Variants in GALNT13 observed in about 807,000 individuals in gnomAD.
GALNT13 encodes the protein UDP-GalNAc:polypeptide N-acetylgalactosaminyltransferase 13.
GALNT13 carries 28 observed loss-of-function variants against 64.2 expected under a neutral mutation model. The observed-to-expected ratio is 0.44, with a 90% CI of 0.32 to 0.60. The LOEUF is 0.60. Among genes scored for constraint, GALNT13 ranks in the 20% least tolerant of loss-of-function variants. The pLI, the probability that GALNT13 is intolerant of heterozygous loss-of-function variation, is 0.05. For synonymous variants in GALNT13, 214 were observed against 224.6 expected, an observed-to-expected ratio of 0.95 and a Z score of 0.42; for missense variants, 577 against 669.8, an observed-to-expected ratio of 0.86 and a Z score of 1.53.
intron 3 of GALNT13, among the ~76,000 whole-genome samples, chr2:153,969,291 T>C (rs1261132251): frequency 6.6e-6 from 1 of 152,036 alleles, no homozygotes; most frequent in African/African-American, 2.4e-5. Context: ...CTGAAGTTAA[T>C]AGTTTAAAAA....
In GALNT13 at chr2:154,009,550, G is replaced by T. The variant is rs151009589; in HGVS notation, c.142+64911G>T. On this transcript the variant is annotated intron_variant, in intron 3 of 12. Transcript: ENST00000392825. ...CTCACTCTGTTGCCCAAGTGCAGTG[G>T]CATGATCTCGGCTGACTGCAACCCC... is the stretch of plus-strand genomic sequence containing the variant. 2.9e-3 allele frequency among the ~76,000 whole-genome samples: 441 copies of T among 150,880 alleles called. 3 individuals are homozygous for T. The highest frequency in any genetic ancestry group is 0.01 in the African/African-American group (414 of 40,940).
At chr2:153,615,369 C>A in the GALNT13 span, among the ~76,000 whole-genome samples, 1 of 151,978 alleles carries the variant, frequency 6.6e-6, no homozygotes, top group Non-Finnish European at 1.5e-5. Flanking sequence ...ATATTGATTT[C>A]CTTTATTTTC....
At chr2:153,582,164 C>G in the GALNT13 span, among the ~76,000 whole-genome samples, 1 of 152,108 alleles carries the variant, frequency 6.6e-6, no homozygotes, top group Non-Finnish European at 1.5e-5. Context: ...GATTTCATAG[C>G]ATGTTTACCA....
the GALNT13 span, among the ~76,000 whole-genome samples, chr2:153,383,150 T>A: frequency 6.6e-6 from 1 of 152,212 alleles, no homozygotes; most frequent in Non-Finnish European, 1.5e-5. Flanking sequence ...TACAGCAAAT[T>A]TGAATTAAAT....
the GALNT13 span, among the ~76,000 whole-genome samples, chr2:153,794,252 A>G: frequency 1.4e-4 from 21 of 152,338 alleles, no homozygotes; most frequent in East Asian, 4.0e-3. Flanking sequence ...AATTATAAAC[A>G]TTAAATCATT....
intron 11 of GALNT13, among the ~76,000 whole-genome samples, chr2:154,412,559 T>C (rs1699840430): frequency 6.6e-6 from 1 of 151,786 alleles, no homozygotes; most frequent in Non-Finnish European, 1.5e-5. Context: ...TATTTTTTTT[T>C]TGTTTGTCAA....
chr2:154,449,259 G>T (rs1012571381), intron 12 of GALNT13, among the ~76,000 whole-genome samples: 1 of 151,154 alleles, frequency 6.6e-6, no homozygotes, highest in African/African-American at 2.4e-5. Context: ...GGCCTCTTCC[G>T]CCACAAACCT....
At chr2:153,183,911 T>C in the GALNT13 span, among the ~76,000 whole-genome samples, 1 of 152,220 alleles carries the variant, frequency 6.6e-6, no homozygotes, top group African/African-American at 2.4e-5. Flanking sequence ...GCTTGATGCC[T>C]CCAGCTTTGT....
intron 11 of GALNT13, among the ~76,000 whole-genome samples, chr2:154,431,831 C>A (rs1574293675): frequency 7.2e-6 from 1 of 138,460 alleles, no homozygotes; most frequent in Admixed American, 7.0e-5. Context: ...AGTTTCCCTG[C>A]ACACGCTCTC....
chr2:153,870,799 G>A (rs113619980), upstream of GALNT13, among the ~76,000 whole-genome samples: 634 of 150,604 alleles, frequency 4.2e-3, 4 homozygotes, highest in African/African-American at 0.015. Flanking sequence ...TTTTTATGTA[G>A]TCGTTATATC....
the GALNT13 span, chr2:153,478,057 G>A: frequency 4.9e-6 from 3 of 606,198 alleles, no homozygotes; most frequent in South Asian, 6.2e-5. Context: ...CCGACTGCCA[G>A]GCATGAGGAC....
the GALNT13 span, among the ~76,000 whole-genome samples, chr2:153,789,145 A>G: frequency 6.6e-6 from 1 of 152,166 alleles, no homozygotes; most frequent in South Asian, 2.1e-4. Context: ...AACAGAATAT[A>G]TATTCTTCTT....
At chr2:153,654,606 C>T in the GALNT13 span, among the ~76,000 whole-genome samples, 1 of 151,922 alleles carries the variant, frequency 6.6e-6, no homozygotes, top group Non-Finnish European at 1.5e-5. Context: ...GAGGATTCAA[C>T]CATCTGAGGA....
intron 3 of GALNT13, among the ~76,000 whole-genome samples, chr2:154,074,752 C>A (rs1269618416): frequency 1.3e-5 from 2 of 151,888 alleles, no homozygotes; most frequent in Non-Finnish European, 2.9e-5. Context: ...ATTAAGTTGG[C>A]TTTATCCCTA....
the GALNT13 span, among the ~76,000 whole-genome samples, chr2:153,424,921 G>C: frequency 6.6e-6 from 1 of 151,734 alleles, no homozygotes; most frequent in African/African-American, 2.4e-5. Flanking sequence ...TCAGACAAAA[G>C]TGAAAAATAA....
chr2:154,114,368 G>A (rs1251254437), intron 3 of GALNT13, among the ~76,000 whole-genome samples: 1 of 152,104 alleles, frequency 6.6e-6, no homozygotes, highest in Non-Finnish European at 1.5e-5. Context: ...CTGCAAGTCA[G>A]ATCTGAGCTA....
At chr2:153,945,839 A>G (rs776878) in intron 3 of GALNT13, among the ~76,000 whole-genome samples, 152,027 of 152,308 alleles carry the variant, frequency 1, 75,874 homozygotes, top group Non-Finnish European at 1. Context: ...ATTTAGAGAA[A>G]TTCTGAATCT....
the GALNT13 span, among the ~76,000 whole-genome samples, chr2:153,412,004 C>G: frequency 6.6e-6 from 1 of 152,112 alleles, no homozygotes; most frequent in Non-Finnish European, 1.5e-5. Flanking sequence ...AAATATAAAG[C>G]AGGCAGGAAA....
At chr2:153,753,598 G>A in the GALNT13 span, among the ~76,000 whole-genome samples, 31 of 152,152 alleles carry the variant, frequency 2.0e-4, no homozygotes, top group African/African-American at 7.2e-4. Context: ...AACAAATGGA[G>A]TCTCTCCCTC....
Sources: allele counts gnomAD v4.1 joint callset (sites outside exome capture counted in the v4.1 genomes callset), GRCh38; gene constraint gnomAD v4.1.1; transcripts MANE v1.5; gene names NCBI Gene and HGNC (gene_info 2026-07-23, HGNC 2026-07-21).